Variants in RNF31 observed in about 807,000 individuals in gnomAD.
The protein encoded by RNF31 is E3 ubiquitin-protein ligase RNF31.
RNF31 carries 38 observed loss-of-function variants against 133.6 expected under a neutral mutation model. That is an observed-to-expected ratio of 0.28 (90% CI 0.22 to 0.37). The LOEUF is 0.37. Ranked by LOEUF, RNF31 falls within the 10% of genes least tolerant of loss-of-function variation. RNF31 has a pLI of 1.00. For missense variants in RNF31, 1,118 were observed against 1,394.1 expected (o/e 0.80, Z 3.15); for synonymous variants, 582 against 552.3 (o/e 1.05, Z -0.75).
At chr14:24,159,837 G>C in intron 18 of RNF31, 27 bp from the exon 19 acceptor site, 1 of 1,593,172 alleles carries the variant, frequency 6.3e-7, no homozygotes, top group Non-Finnish European at 8.6e-7. Context: ...CCTCCCAACA[G>C]AGGCTCCCTT....
intron 16 of RNF31, 93 bp downstream of exon 16, chr14:24,157,731 GAA>G: frequency 1.6e-6 from 2 of 1,217,522 alleles, no homozygotes; most frequent in Non-Finnish European, 2.4e-6. Flanking sequence ...CCGGGGAAGA[GAA>G]GAGGTCAACG....
In RNF31 at chr14:24,151,726, G is replaced by A; in HGVS notation, c.1923+56G>A. ...CCACCTAGAGGAGCAAGAGGGAGCT[G>A]AGGGGAAGGGTCCCTGGAGTCTGAC... On this transcript the variant is annotated intron_variant, in intron 10 of 20. Transcript: ENST00000324103. This position sits in a 1 kb window ranked among gnomAD's most constrained non-coding sequence, Gnocchi z 5.3. 2 of 1,601,772 alleles carry A rather than the reference G, an allele frequency of 1.2e-6. No homozygotes were observed. Among genetic ancestry groups the A allele is most frequent in the Non-Finnish European group, 1.7e-6 (2 of 1,174,154 alleles).
intron 11 of RNF31, chr14:24,154,918 G>A (rs1265433358): frequency 3.6e-6 from 2 of 555,028 alleles, no homozygotes; most frequent in East Asian, 5.9e-5. Flanking sequence ...AATGGAATAT[G>A]AATGTTTTTA....
rs2038185156 is a variant in RNF31, at chr14:24,147,500, A to G, written c.-199A>G. On this transcript the variant is annotated 5_prime_UTR_variant, in exon 1 of 21. Transcript: ENST00000324103. ...GGGTCGCAGTCCCACCCTCTCTCCT[A>G]GTACTTCCTGTTCTCGGCTAACCCT... 2.2e-6 allele frequency: 1 copy of G among 448,050 alleles called. No individual in the cohort carries two copies. Among genetic ancestry groups the G allele is most frequent in the African/African-American group, 2.1e-5 (1 of 48,432 alleles). 27.8% of individuals were successfully genotyped at this position (448,050 alleles called of 1,614,324 possible).
Position 24,160,433 on chromosome 14 carries a change from CTT to C in RNF31, c.3165+27_3165+28del. 6.2e-7 allele frequency: 1 copy of C among 1,608,720 alleles called. No homozygotes were observed. Among genetic ancestry groups the C allele is most frequent in the Non-Finnish European group, 8.5e-7 (1 of 1,176,024 alleles). ...GTATAGCCTCCACCCAGCCTCATCT[CTT>C]AACCCACCCTACAGAAGTCACCTGG... On this transcript the variant is annotated intron_variant, in intron 20 of 20. Coordinates refer to ENST00000324103, the MANE Select transcript of RNF31 (RefSeq NM_017999.5). The surrounding 1 kb of genome is among the most constrained non-coding windows in gnomAD (Gnocchi z 4.0).
In RNF31 at chr14:24,157,547, C is replaced by T. The variant is rs778916800; in HGVS notation, c.2636C>T (p.Ala879Val). 1 of 1,614,068 alleles carries T rather than the reference C, an allele frequency of 6.2e-7. No homozygotes were observed. Among genetic ancestry groups the T allele is most frequent in the African/African-American group, 1.3e-5 (1 of 74,916 alleles). ...IDCPKCKFSY[A>V]LARGGCMHFH... Reference sequence around the variant, plus strand: ...TGCCCCAAATGCAAGTTCTCGTACGCCCTGGCCCGAGGAGGCTGCATGCAC... The same window carrying T: ...TGCCCCAAATGCAAGTTCTCGTACGTCCTGGCCCGAGGAGGCTGCATGCAC... The change falls in exon 16 of 21, where the codon GCC (alanine) becomes GTC (valine). Residue 879 changes from alanine to valine, a missense_variant. Around this residue, in one of 3 missense-constraint regions of RNF31, gnomAD observed 201 missense variants for 371.7 expected, o/e 0.54. Transcript: ENST00000324103.
At chr14:24,158,867 A>G (rs2038388055) in intron 18 of RNF31, 1 of 150,924 alleles carries the variant, frequency 6.6e-6, no homozygotes, top group Non-Finnish European at 1.5e-5. Context: ...CCCCATCTCT[A>G]CTAAAAATAC....
Position 24,155,777 on chromosome 14 carries a change from A to G in RNF31, c.2493+85A>G, listed in dbSNP as rs1208695773. On this transcript the variant is annotated intron_variant, in intron 14 of 20. Transcript: ENST00000324103. The surrounding 1 kb of genome is among the most constrained non-coding windows in gnomAD (Gnocchi z 4.9). Reference sequence around the variant, plus strand: ...ACTCAGGGGAGTTTGTGTACTGGAGAGCAAAACAGACATGAGCTCTGAGGT... The same window carrying G: ...ACTCAGGGGAGTTTGTGTACTGGAGGGCAAAACAGACATGAGCTCTGAGGT... 8.7e-7 allele frequency: 1 copy of G among 1,155,606 alleles called. No individual in the cohort carries two copies. Among genetic ancestry groups the G allele is most frequent in the Non-Finnish European group, 1.3e-6 (1 of 774,024 alleles). 71.6% of individuals were successfully genotyped at this position (1,155,606 alleles called of 1,614,324 possible). A position where few individuals can be genotyped will look rare whatever the true frequency, so the allele number is the denominator to read the frequency against.
intron 5 of RNF31, 24 bp from the exon 6 acceptor site, chr14:24,149,382 T>A: frequency 1.9e-6 from 3 of 1,601,490 alleles, no homozygotes; most frequent in Non-Finnish European, 2.6e-6. Context: ...TTTGGAAAGA[T>A]GTTCCATCTC....
chr14:24,148,435 G>C (rs1418931924), intron 3 of RNF31, 22 bp downstream of exon 3: 2 of 1,613,670 alleles, frequency 1.2e-6, no homozygotes, highest in African/African-American at 2.7e-5. Flanking sequence ...CTCTAGTCTT[G>C]ATGGACTTAT....
Position 24,160,116 on chromosome 14 carries a change from G to C in RNF31, c.2997-123G>C, listed in dbSNP as rs2038422478. 8.3e-6 allele frequency: 11 copies of C among 1,326,914 alleles called. No homozygotes were observed. Among genetic ancestry groups the C allele is most frequent in the South Asian group, 5.3e-5 (4 of 75,828 alleles). The allele number at this position is 1,326,914 out of a possible 1,614,324, so 82.2% of individuals were successfully genotyped here. A position where few individuals can be genotyped will look rare whatever the true frequency, so the allele number is the denominator to read the frequency against. ...CAAGGGCATGGGTAGATAGTAGCAGGCAGTGTGGGCACAGGTGGGTTGTTA... is the reference window on the plus strand; with the variant it reads ...CAAGGGCATGGGTAGATAGTAGCAGCCAGTGTGGGCACAGGTGGGTTGTTA... On this transcript the variant is annotated intron_variant, in intron 19 of 20. Transcript: ENST00000324103. This position sits in a 1 kb window ranked among gnomAD's most constrained non-coding sequence, Gnocchi z 4.0.
At chr14:24,149,696 C>T in intron 6 of RNF31, 113 bp downstream of exon 6, 1 of 1,045,450 alleles carries the variant, frequency 9.6e-7, no homozygotes, top group Non-Finnish European at 1.4e-6. Flanking sequence ...GGACAAGTAG[C>T]CAGTCAGAAC....
intron 18 of RNF31, among the ~76,000 whole-genome samples, chr14:24,159,032 CAAAAAAA>C (rs529900287): frequency 1.7e-4 from 9 of 54,428 alleles, no homozygotes; most frequent in East Asian, 5.3e-4. Context: ...GACTTCGTCT[CAAAAAAA>C]AAAAAAAAAA....
chr14:24,155,401 AT>A lies in RNF31; in HGVS notation c.2305-12del, dbSNP rs1250260865. The A allele has an allele frequency of 4.3e-6, 7 of 1,613,794 alleles. No homozygotes were observed. Among genetic ancestry groups the A allele is most frequent in the Non-Finnish European group, 5.9e-6 (7 of 1,179,912 alleles). On this transcript the variant is annotated splice_polypyrimidine_tract_variant and intron_variant, in intron 12 of 20. Transcript: ENST00000324103. This position sits in a 1 kb window ranked among gnomAD's most constrained non-coding sequence, Gnocchi z 4.9. ...GGACCCTCCCACCCACCACCTCTGC[AT>A]CCTGTCCCCAGCTTCGCGAGAGCCT...
chr14:24,147,430 A>G (rs2038183562), upstream of RNF31: 2 of 335,660 alleles, frequency 6.0e-6, no homozygotes, highest in Non-Finnish European at 5.4e-6. Context: ...GTTTCCTGAC[A>G]CCGCTCCAAC....
At chr14:24,157,723 G>C (rs1199574574) in intron 16 of RNF31, 85 bp downstream of exon 16, 1 of 1,277,230 alleles carries the variant, frequency 7.8e-7, no homozygotes, top group Non-Finnish European at 1.1e-6. Flanking sequence ...GAGTGGCCCC[G>C]GGGAAGAGAA....
At chr14:24,158,247 T>C (rs767677249) in intron 18 of RNF31, 48 bp downstream of exon 18, 1 of 1,572,458 alleles carries the variant, frequency 6.4e-7, no homozygotes, top group Non-Finnish European at 8.7e-7. Context: ...TGTGCTGGGC[T>C]CCCACCGTGT....
Position 24,160,652 on chromosome 14 carries a change from AC to A in RNF31, c.*81del. 2 of 1,120,918 alleles carry A rather than the reference AC, an allele frequency of 1.8e-6. No homozygotes were observed. The highest frequency in any genetic ancestry group is 2.4e-6 in the Non-Finnish European group (2 of 833,490). 69.4% of individuals were successfully genotyped at this position (1,120,918 alleles called of 1,614,324 possible). On this transcript the variant is annotated 3_prime_UTR_variant, in exon 21 of 21. Transcript: ENST00000324103. This position sits in a 1 kb window ranked among gnomAD's most constrained non-coding sequence, Gnocchi z 4.0. ...TCCAGCACCAATAAAGAGGCATCTT[AC>A]CACCCAGGCTTCTTGGTGGTCCTTC...
chr14:24,157,943 C>G lies in RNF31; in HGVS notation c.2773C>G (p.His925Asp). 1 of 1,614,180 alleles carries G rather than the reference C, an allele frequency of 6.2e-7. No homozygotes were observed. Among genetic ancestry groups the G allele is most frequent in the Non-Finnish European group, 8.5e-7 (1 of 1,180,036 alleles). ...CAGGGTGAAAAAGTCCCTGCACGGC[C>G]ACCACCCTCGAGACTGCCTCTTCTA... is the stretch of plus-strand genomic sequence containing the variant. ...NCRVKKSLHG[H>D]HPRDCLFYLR... Residue 925 changes from histidine to aspartate, a missense_variant, in exon 17 of 21, where the codon CAC becomes GAC. By Grantham distance (81) the His-to-Asp change is moderately conservative. Around this residue, in one of 3 missense-constraint regions of RNF31, gnomAD observed 170 missense variants for 194.5 expected, o/e 0.87. Coordinates refer to ENST00000324103, the MANE Select transcript of RNF31 (RefSeq NM_017999.5).
Sources: gnomAD v4.1 joint callset for allele counts (sites outside exome capture counted in the v4.1 genomes callset) on GRCh38, gnomAD v4.1.1 for gene constraint, gnomAD v4.1.1 regional missense constraint, Gnocchi (gnomAD v3.1) non-coding constraint, MANE v1.5 for transcripts, NCBI Gene and HGNC (gene_info 2026-07-23, HGNC 2026-07-21) for gene names.